ADGRB3: variants seen among roughly 807,000 people sequenced by gnomAD.
ADGRB3 encodes the protein brain-specific angiogenesis inhibitor 3.
Under a neutral mutation model 193.4 loss-of-function variants are expected in ADGRB3, and 37 were observed. That is an observed-to-expected ratio of 0.19 (90% CI 0.15 to 0.25). ADGRB3 has a LOEUF of 0.25. Among genes scored for constraint, ADGRB3 ranks in the 10% least tolerant of loss-of-function variants. The probability of loss-of-function intolerance (pLI) is 1.00; values close to 1 mark genes in which losing one functional copy is unlikely to be tolerated. For missense variants in ADGRB3, 1,637 were observed against 1,852.9 expected (o/e 0.88, Z 2.14); for synonymous variants, 690 against 644.2 (o/e 1.07, Z -1.08).
chr6:68,685,716 A>C (rs1024700340), intron 3 of ADGRB3, among the ~76,000 whole-genome samples: 2 of 151,634 alleles, frequency 1.3e-5, no homozygotes, highest in African/African-American at 4.8e-5. Context: ...GTCTCTACTA[A>C]AAAAAATACA....
intron 17 of ADGRB3, among the ~76,000 whole-genome samples, chr6:69,093,138 G>T (rs894631983): frequency 6.6e-6 from 1 of 151,566 alleles, no homozygotes; most frequent in Non-Finnish European, 1.5e-5. Context: ...AGATAGAGGG[G>T]ACTGGAAGCC....
At chr6:69,358,890 AAAG>A (rs1769387104) in intron 28 of ADGRB3, among the ~76,000 whole-genome samples, 1 of 151,844 alleles carries the variant, frequency 6.6e-6, no homozygotes, top group Non-Finnish European at 1.5e-5. Flanking sequence ...CACTACTGCA[AAAG>A]AAGAATTATC....
At chr6:69,386,270 T>C (rs911860238) in intron 31 of ADGRB3, among the ~76,000 whole-genome samples, 1 of 152,266 alleles carries the variant, frequency 6.6e-6, no homozygotes, top group East Asian at 1.9e-4. Context: ...TGAAATCATA[T>C]CTGTTCCAAA....
At chr6:68,734,606 G>T (rs981425551) in intron 3 of ADGRB3, among the ~76,000 whole-genome samples, 1 of 151,994 alleles carries the variant, frequency 6.6e-6, no homozygotes, top group Non-Finnish European at 1.5e-5. Context: ...AAAACATTGA[G>T]AAGTATTGTG....
chr6:68,711,731 C>T (rs1323822031), intron 3 of ADGRB3, among the ~76,000 whole-genome samples: 1 of 152,080 alleles, frequency 6.6e-6, no homozygotes, highest in African/African-American at 2.4e-5. Flanking sequence ...ATTTCTCTTT[C>T]ATTCTGTATA....
chr6:69,101,343 G>C (rs1773048717), intron 17 of ADGRB3, among the ~76,000 whole-genome samples: 1 of 151,860 alleles, frequency 6.6e-6, no homozygotes, highest in Non-Finnish European at 1.5e-5. Context: ...TCTTAAAACA[G>C]TTCTATCTCT....
chr6:69,232,553 G>A (rs1232413156), intron 17 of ADGRB3: 2 of 1,535,606 alleles, frequency 1.3e-6, no homozygotes, highest in African/African-American at 1.4e-5. Flanking sequence ...CCAGGGCAAA[G>A]AAGCAGTTGA....
chr6:68,933,483 C>T (rs1311154262), intron 4 of ADGRB3, among the ~76,000 whole-genome samples: 2 of 152,122 alleles, frequency 1.3e-5, no homozygotes. Flanking sequence ...ATCTCAGCTA[C>T]TCAGGAGGCT....
intron 3 of ADGRB3, among the ~76,000 whole-genome samples, chr6:68,827,748 C>A (rs760116587): frequency 3.8e-4 from 58 of 152,042 alleles, no homozygotes; most frequent in Non-Finnish European, 2.8e-4. Context: ...GCTATTTTCA[C>A]AAATGTAGTG....
intron 11 of ADGRB3, among the ~76,000 whole-genome samples, chr6:69,013,093 G>T (rs902398658): frequency 6.6e-6 from 1 of 152,018 alleles, no homozygotes; most frequent in Admixed American, 6.6e-5. Context: ...GTCACAGCTC[G>T]CCTTCAAAGG....
chr6:68,700,403 G>C (rs1004033768), intron 3 of ADGRB3, among the ~76,000 whole-genome samples: 1 of 151,866 alleles, frequency 6.6e-6, no homozygotes. Flanking sequence ...GGTTAAAAAG[G>C]AAATCTATAA....
chr6:69,195,262 G>A (rs1765271961), intron 17 of ADGRB3, among the ~76,000 whole-genome samples: 1 of 152,098 alleles, frequency 6.6e-6, no homozygotes, highest in Non-Finnish European at 1.5e-5. Flanking sequence ...GGGCTCAGGG[G>A]CTCATGCCTA....
At chr6:69,330,719 AT>A in intron 23 of ADGRB3, 147 bp downstream of exon 23, 2 of 506,510 alleles carry the variant, frequency 3.9e-6, no homozygotes, top group Non-Finnish European at 3.3e-6. Context: ...AATATAAATT[AT>A]TATTCAGCCC....
chr6:68,936,228 T>C (rs1767482408), intron 4 of ADGRB3, among the ~76,000 whole-genome samples: 3 of 152,304 alleles, frequency 2.0e-5, no homozygotes, highest in Non-Finnish European at 4.4e-5. Flanking sequence ...CCTCAACAAA[T>C]AGTCACATTG....
chr6:68,692,265 A>G (rs1001046340), intron 3 of ADGRB3, among the ~76,000 whole-genome samples: 5 of 151,926 alleles, frequency 3.3e-5, no homozygotes, highest in African/African-American at 1.2e-4. Flanking sequence ...TGTCATTTCA[A>G]ATGCTGTTTA....
intron 3 of ADGRB3, among the ~76,000 whole-genome samples, chr6:68,733,417 C>T (rs939506136): frequency 6.6e-5 from 10 of 151,614 alleles, no homozygotes; most frequent in African/African-American, 1.9e-4. Context: ...CATGTTCTCA[C>T]TTATACAGTG....
chr6:69,146,008 C>T (rs1041508049), intron 17 of ADGRB3, among the ~76,000 whole-genome samples: 4 of 152,178 alleles, frequency 2.6e-5, no homozygotes, highest in African/African-American at 7.2e-5. Context: ...GGATTACCAG[C>T]CCAGCCTCCA....
intron 3 of ADGRB3, among the ~76,000 whole-genome samples, chr6:68,789,817 C>T (rs1204622034): frequency 6.6e-6 from 1 of 152,198 alleles, no homozygotes; most frequent in Non-Finnish European, 1.5e-5. Flanking sequence ...GGTCTTTTCA[C>T]ATAGTCCCAT....
chr6:69,196,956 G>C (rs550242828), intron 17 of ADGRB3, among the ~76,000 whole-genome samples: 3 of 152,170 alleles, frequency 2.0e-5, no homozygotes, highest in African/African-American at 7.2e-5. Flanking sequence ...TTACCTCTCA[G>C]AGCCCTAATA....
Sources: gnomAD v4.1 joint callset for allele counts (sites outside exome capture counted in the v4.1 genomes callset) on GRCh38, gnomAD v4.1.1 for gene constraint, MANE v1.5 for transcripts, NCBI Gene and HGNC (gene_info 2026-07-23, HGNC 2026-07-21) for gene names.